Variants in ASIC2 observed in about 807,000 individuals in gnomAD.
ASIC2 encodes the protein acid sensing ion channel subunit 2.
ASIC2 carries 25 observed loss-of-function variants against 57.3 expected under a neutral mutation model. The observed-to-expected ratio is 0.44, with a 90% CI of 0.32 to 0.61. The LOEUF is 0.61. Ranked by LOEUF, ASIC2 falls within the 20% of genes least tolerant of loss-of-function variation. The pLI, the probability that ASIC2 is intolerant of heterozygous loss-of-function variation, is 0.06. For missense variants in ASIC2, 641 were observed against 738.1 expected (o/e 0.87, Z 1.52); for synonymous variants, 319 against 307.5 (o/e 1.04, Z -0.39).
At chr17:34,031,568 TACA>T (rs1907613417) in intron 1 of ASIC2, among the ~76,000 whole-genome samples, 5 of 152,068 alleles carry the variant, frequency 3.3e-5, no homozygotes, top group African/African-American at 1.2e-4. Flanking sequence ...TACTCCAAGC[TACA>T]GGAGGAAATT....
chr17:33,949,301 C>T (rs1597945095), intron 1 of ASIC2, among the ~76,000 whole-genome samples: 1 of 152,136 alleles, frequency 6.6e-6, no homozygotes, highest in East Asian at 1.9e-4. Context: ...TCTGAGGACC[C>T]TGCTCAGTGC....
intron 1 of ASIC2, among the ~76,000 whole-genome samples, chr17:33,208,317 T>A (rs1268405878): frequency 1.3e-5 from 2 of 152,028 alleles, no homozygotes; most frequent in East Asian, 3.9e-4. Context: ...AATGCTTAAA[T>A]CCCCTCCCCT....
At chr17:33,672,735 T>C (rs1376707581) in intron 1 of ASIC2, among the ~76,000 whole-genome samples, 1 of 152,282 alleles carries the variant, frequency 6.6e-6, no homozygotes, top group Middle Eastern at 3.4e-3. Context: ...GTATTCAAGT[T>C]CTCCTTATAG....
chr17:33,144,159 A>AC (rs1555573908), intron 1 of ASIC2, among the ~76,000 whole-genome samples: 7 of 81,592 alleles, frequency 8.6e-5, no homozygotes, highest in African/African-American at 2.9e-4. Context: ...CAAACAAACA[A>AC]AAAAAAAAAC....
intron 1 of ASIC2, among the ~76,000 whole-genome samples, chr17:34,152,113 C>A (rs895383300): frequency 6.6e-6 from 1 of 152,040 alleles, no homozygotes; most frequent in African/African-American, 2.4e-5. Context: ...AAACCTTCAC[C>A]TCCACCATCT....
At chr17:33,828,409 G>C (rs894506498) in intron 1 of ASIC2, 1 of 152,164 alleles carries the variant, frequency 6.6e-6, no homozygotes, top group Non-Finnish European at 1.5e-5. Context: ...AAACCTTTTA[G>C]TCCTTGTGAG....
At chr17:33,058,317 G>T (rs181353928) in intron 3 of ASIC2, among the ~76,000 whole-genome samples, 11 of 152,108 alleles carry the variant, frequency 7.2e-5, no homozygotes, top group African/African-American at 2.4e-4. Context: ...AGGTGAGGCC[G>T]ACTGGAAAAG....
intron 1 of ASIC2, among the ~76,000 whole-genome samples, chr17:33,463,489 T>C (rs537777369): frequency 6.6e-6 from 1 of 152,350 alleles, no homozygotes; most frequent in African/African-American, 2.4e-5. Context: ...ATATTTCCAA[T>C]GTCTGTCAGT....
At chr17:33,198,456 T>G (rs947744538) in intron 1 of ASIC2, among the ~76,000 whole-genome samples, 1 of 152,216 alleles carries the variant, frequency 6.6e-6, no homozygotes, top group Non-Finnish European at 1.5e-5. Context: ...GCATTAGCTG[T>G]TGTTATTTTT....
chr17:33,459,251 G>A (rs570748964), intron 1 of ASIC2, among the ~76,000 whole-genome samples: 3 of 152,038 alleles, frequency 2.0e-5, no homozygotes, highest in Non-Finnish European at 4.4e-5. Flanking sequence ...CGACGGGGTC[G>A]GTCTGTGCTC....
At chr17:33,912,692 G>C (rs896706239) in intron 1 of ASIC2, among the ~76,000 whole-genome samples, 7 of 151,618 alleles carry the variant, frequency 4.6e-5, no homozygotes, top group Non-Finnish European at 1.0e-4. Context: ...AAAAATTATA[G>C]ACTAGGGCCG....
intron 1 of ASIC2, among the ~76,000 whole-genome samples, chr17:33,763,961 G>A (rs1224594051): frequency 6.6e-6 from 1 of 152,138 alleles, no homozygotes; most frequent in Non-Finnish European, 1.5e-5. Flanking sequence ...CATCCTGGGG[G>A]CTGCCCTCCT....
chr17:33,793,629 T>C (rs1911835502), intron 1 of ASIC2: 1 of 152,192 alleles, frequency 6.6e-6, no homozygotes, highest in South Asian at 2.1e-4. Context: ...TCCTATCTTG[T>C]AGGAGGTAGG....
chr17:33,940,648 C>G (rs997387886), intron 1 of ASIC2, among the ~76,000 whole-genome samples: 1 of 152,168 alleles, frequency 6.6e-6, no homozygotes, highest in African/African-American at 2.4e-5. Flanking sequence ...AATATAGTTC[C>G]TGGCTTCCCA....
intron 1 of ASIC2, among the ~76,000 whole-genome samples, chr17:33,974,601 TATCTATCCATCC>T (rs1202091049): frequency 9.9e-6 from 1 of 101,222 alleles, no homozygotes; most frequent in African/African-American, 4.6e-5. Flanking sequence ...GATAGGAACC[TATCTATCCATCC>T]ATCCATCCAT....
chr17:33,664,692 C>A (rs150395527), intron 1 of ASIC2, among the ~76,000 whole-genome samples: 3 of 152,180 alleles, frequency 2.0e-5, no homozygotes, highest in Admixed American at 6.5e-5. Flanking sequence ...AGAGCTCCCC[C>A]CTCTTCTTTA....
chr17:33,278,660 C>A (rs1334267805), intron 1 of ASIC2, among the ~76,000 whole-genome samples: 1 of 152,112 alleles, frequency 6.6e-6, no homozygotes. Context: ...GCTCCATTTC[C>A]CTCTGTATCC....
At chr17:33,264,304 A>C (rs980647243) in intron 1 of ASIC2, among the ~76,000 whole-genome samples, 1 of 152,264 alleles carries the variant, frequency 6.6e-6, no homozygotes, top group Non-Finnish European at 1.5e-5. Context: ...ACTCAGAGCC[A>C]TGAATCAAGC....
chr17:33,732,543 C>G (rs370909319), intron 1 of ASIC2, among the ~76,000 whole-genome samples: 1 of 147,256 alleles, frequency 6.8e-6, no homozygotes, highest in Non-Finnish European at 1.5e-5. Context: ...CTTGCTCTAT[C>G]GCTGGATTGC....
Sources: gnomAD v4.1 joint callset for allele counts (sites outside exome capture counted in the v4.1 genomes callset) on GRCh38, gnomAD v4.1.1 for gene constraint, MANE v1.5 for transcripts, NCBI Gene and HGNC (gene_info 2026-07-23, HGNC 2026-07-21) for gene names.